The following SRGAP1 variants were observed in gnomAD, a reference collection of about 807,000 sequenced individuals.
SRGAP1 encodes the protein SLIT-ROBO Rho GTPase activating protein 1.
SRGAP1 carries 43 observed loss-of-function variants against 121.9 expected under a neutral mutation model. The ratio of observed to expected loss-of-function variants is 0.35; its 90% CI spans 0.28 to 0.46. SRGAP1 has a LOEUF of 0.46. SRGAP1 is among the 20% of genes least tolerant of loss of function. The pLI, the probability that SRGAP1 is intolerant of heterozygous loss-of-function variation, is 1.00. For synonymous variants in SRGAP1, 447 were observed against 485.4 expected, an observed-to-expected ratio of 0.92 and a Z score of 1.04; for missense variants, 1,102 against 1,350.9, an observed-to-expected ratio of 0.82 and a Z score of 2.89.
chr12:64,044,507 C>T (rs2035086910), intron 6 of SRGAP1, among the ~76,000 whole-genome samples: 1 of 151,768 alleles, frequency 6.6e-6, no homozygotes, highest in Admixed American at 6.6e-5. Flanking sequence ...TCATAGTAGC[C>T]GTCATAATTT....
In SRGAP1 at chr12:63,984,091, C is replaced by A; in HGVS notation, c.212C>A (p.Ala71Glu). Reference protein sequence around the residue: ...TEYSRNLEKLAERFMAKTRST... With the variant: ...TEYSRNLEKLEERFMAKTRST... ...TATTCCCGGAATCTAGAGAAGTTAG[C>A]AGAAAGGTTCATGGCAAAAACAAGA... The change falls in exon 2 of 22, where the codon GCA (alanine) becomes GAA (glutamate). Residue 71 changes from alanine (A) to glutamate (E), a missense_variant. This residue lies in a region of SRGAP1 where 747 missense variants were observed against 929.4 expected (regional missense o/e 0.80). Coordinates refer to ENST00000355086, the MANE Select transcript of SRGAP1 (RefSeq NM_020762.4). The A allele has an allele frequency of 6.5e-7, 1 of 1,529,654 alleles. No homozygotes were observed. The highest frequency in any genetic ancestry group is 8.9e-7 in the Non-Finnish European group (1 of 1,129,208). 94.8% of individuals were successfully genotyped at this position (1,529,654 alleles called of 1,614,324 possible).
At chr12:63,970,214 T>C (rs567009346) in intron 1 of SRGAP1, among the ~76,000 whole-genome samples, 41 of 152,286 alleles carry the variant, frequency 2.7e-4, no homozygotes, top group Non-Finnish European at 5.6e-4. Flanking sequence ...AACATTTACA[T>C]TGTAGATGCG....
At chr12:64,020,843 CAAA>C (rs34144761) in intron 4 of SRGAP1, among the ~76,000 whole-genome samples, 9 of 70,046 alleles carry the variant, frequency 1.3e-4, no homozygotes, top group Non-Finnish European at 1.7e-4. Flanking sequence ...GACTCCGTCT[CAAA>C]AAAAAAAAAA....
intron 4 of SRGAP1, among the ~76,000 whole-genome samples, chr12:64,028,485 A>T (rs2136483388): frequency 6.6e-6 from 1 of 152,342 alleles, no homozygotes; most frequent in South Asian, 2.1e-4. Context: ...TGTGGGCTGA[A>T]AAGATTTTCT....
At chr12:63,998,416 C>T (rs2033776740) in intron 3 of SRGAP1, among the ~76,000 whole-genome samples, 1 of 152,152 alleles carries the variant, frequency 6.6e-6, no homozygotes, top group Non-Finnish European at 1.5e-5. Flanking sequence ...CTAGTAGTAA[C>T]CTACCTTCAC....
intron 1 of SRGAP1, among the ~76,000 whole-genome samples, chr12:63,913,194 CTTTTTTTTTTTTTTT>C (rs759566545): frequency 1.4e-4 from 8 of 59,044 alleles, no homozygotes; most frequent in South Asian, 7.8e-4. Flanking sequence ...GTAAATCCTT[CTTTTTTTTTTTTTTT>C]TTTTTTTTTT....
At chr12:64,006,655 G>C (rs1048781893) in intron 3 of SRGAP1, among the ~76,000 whole-genome samples, 1 of 152,174 alleles carries the variant, frequency 6.6e-6, no homozygotes, top group Non-Finnish European at 1.5e-5. Context: ...TGTTGCATTA[G>C]TAATCTGGGT....
In SRGAP1 at chr12:64,080,388, T is replaced by G; in HGVS notation, c.1408+18T>G. 6.4e-7 allele frequency: 1 copy of G among 1,565,998 alleles called. No individual in the cohort carries two copies. The highest frequency in any genetic ancestry group is 8.8e-7 in the Non-Finnish European group (1 of 1,136,816). ...GGGAGAAGGTGAGTTATCCAAAATG[T>G]ATGGGAAGATGACCTGGATGATACA... On this transcript the variant is annotated intron_variant, in intron 10 of 21. Transcript: ENST00000355086.
intron 1 of SRGAP1, among the ~76,000 whole-genome samples, chr12:63,847,706 A>G (rs1172761825): frequency 1.3e-5 from 2 of 152,092 alleles, no homozygotes; most frequent in Non-Finnish European, 2.9e-5. Flanking sequence ...AAATTGCGCC[A>G]CTGCACTCCA....
At chr12:64,090,585 A>G (rs1289694377) in intron 11 of SRGAP1, among the ~76,000 whole-genome samples, 1 of 152,256 alleles carries the variant, frequency 6.6e-6, no homozygotes, top group African/African-American at 2.4e-5. Context: ...CACGCCTATA[A>G]TTCCAGCACT....
At chr12:64,058,098 A>G (rs2035376595) in intron 6 of SRGAP1, among the ~76,000 whole-genome samples, 1 of 152,186 alleles carries the variant, frequency 6.6e-6, no homozygotes, top group South Asian at 2.1e-4. Flanking sequence ...ATTACACATT[A>G]TACTCACCAT....
intron 1 of SRGAP1, among the ~76,000 whole-genome samples, chr12:63,975,780 C>G (rs1484565164): frequency 6.6e-6 from 1 of 152,076 alleles, no homozygotes; most frequent in Non-Finnish European, 1.5e-5. Flanking sequence ...AAATGGAAAT[C>G]ATCATTAGTT....
intron 6 of SRGAP1, among the ~76,000 whole-genome samples, chr12:64,053,452 T>C (rs2136522256): frequency 6.6e-6 from 1 of 152,276 alleles, no homozygotes; most frequent in Non-Finnish European, 1.5e-5. Flanking sequence ...AACAGAAGAC[T>C]TTTAAGAGTG....
At chr12:64,116,303 T>C (rs867333507) in intron 18 of SRGAP1, among the ~76,000 whole-genome samples, 1 of 142,206 alleles carries the variant, frequency 7.0e-6, no homozygotes, top group Non-Finnish European at 1.6e-5. Context: ...TCATAAAATA[T>C]GTGTAAGGTA....
At chr12:64,044,750 C>T (rs576895456) in intron 6 of SRGAP1, among the ~76,000 whole-genome samples, 2 of 139,384 alleles carry the variant, frequency 1.4e-5, no homozygotes, top group African/African-American at 2.6e-5. Context: ...GGCACTATCG[C>T]GGCTTACTTA....
At position 64,145,222 on chromosome 12, in the gene SRGAP1, G is replaced by A. The variant is rs1426670727; in HGVS notation, c.*2550G>A. 2 of 152,154 alleles carry A rather than the reference G, an allele frequency of 1.3e-5. No homozygotes were observed. The highest frequency in any genetic ancestry group is 2.9e-5 in the Non-Finnish European group (2 of 68,042). The allele number at this position is 152,154 out of a possible 1,614,324, so 9.4% of individuals were successfully genotyped here. A position where few individuals can be genotyped will look rare whatever the true frequency, so the allele number is the denominator to read the frequency against. ...AGATGTTAACAGAGGGCATCAAAGG[G>A]CCAGAGGTGTCTTTGAATTTATTTT... On this transcript the variant is annotated 3_prime_UTR_variant, in exon 22 of 22. Coordinates refer to ENST00000355086, the MANE Select transcript of SRGAP1 (RefSeq NM_020762.4).
intron 1 of SRGAP1, among the ~76,000 whole-genome samples, chr12:63,873,439 A>G (rs565479375): frequency 6.6e-6 from 1 of 151,468 alleles, no homozygotes; most frequent in African/African-American, 2.4e-5. Context: ...AGGCTGAGGC[A>G]GGAGAATCGC....
chr12:63,898,463 A>G (rs553884380), intron 1 of SRGAP1, among the ~76,000 whole-genome samples: 88 of 152,242 alleles, frequency 5.8e-4, no homozygotes, highest in Non-Finnish European at 1.0e-3. Context: ...GGTAATTGTC[A>G]GATAAAATGA....
chr12:64,110,095 G>A (rs1419203204), intron 16 of SRGAP1, among the ~76,000 whole-genome samples: 1 of 152,172 alleles, frequency 6.6e-6, no homozygotes, highest in Non-Finnish European at 1.5e-5. Context: ...GGTTAGGCTA[G>A]ACACTATACA....
Sources: allele counts gnomAD v4.1 joint callset (sites outside exome capture counted in the v4.1 genomes callset), GRCh38; gene constraint gnomAD v4.1.1; regional missense constraint gnomAD v4.1.1; transcripts MANE v1.5; gene names NCBI Gene and HGNC (gene_info 2026-07-23, HGNC 2026-07-21).